The following RALYL variants were observed in gnomAD, a reference collection of about 807,000 sequenced individuals.
The protein encoded by RALYL is RALY RNA binding protein like.
RALYL carries 29 observed loss-of-function variants against 35.1 expected under a neutral mutation model. The observed-to-expected ratio is 0.83, with a 90% confidence interval of 0.61 to 1.13. The LOEUF is 1.13. Ranked by LOEUF, RALYL falls within the 50% of genes most tolerant of loss-of-function variation. The probability of loss-of-function intolerance (pLI) is 0.00; values close to 1 mark genes in which losing one functional copy is unlikely to be tolerated. For missense variants in RALYL, 359 were observed against 360.4 expected, an observed-to-expected ratio of 1.00 and a Z score of 0.03; for synonymous variants, 120 against 127.6, an observed-to-expected ratio of 0.94 and a Z score of 0.40.
intron 2 of RALYL, chr8:84,678,710 G>A (rs1393753110): frequency 6.6e-6 from 1 of 152,166 alleles, no homozygotes; most frequent in Admixed American, 6.6e-5. Flanking sequence ...CCTGCAGAAA[G>A]CTAAAAGTTC....
At position 84,801,870 on chromosome 8, in the gene RALYL, A is replaced by G. The variant is rs1251901311; in HGVS notation, c.333-2900A>G. Among the ~76,000 whole-genome samples the G allele has an allele frequency of 3.3e-5, 5 of 152,258 alleles. No homozygotes were observed. In the East Asian group the frequency reaches 7.7e-4, roughly 23 times the overall value. On this transcript the variant is annotated intron_variant, in intron 3 of 8. Coordinates refer to ENST00000521268, the MANE Select transcript of RALYL (RefSeq NM_173848.7). ...GGTAACACAAAAACATTTCAGGTGA[A>G]TATGTTAGTAGGATCAGAGGTTGAA... is the stretch of plus-strand genomic sequence containing the variant.
intron 2 of RALYL, among the ~76,000 whole-genome samples, chr8:84,710,767 C>T (rs1368580058): frequency 6.6e-6 from 1 of 152,054 alleles, no homozygotes; most frequent in East Asian, 1.9e-4. Flanking sequence ...CATCAAAATC[C>T]ATGGCTGTCT....
At chr8:84,752,225 G>A (rs1318853915) in intron 2 of RALYL, among the ~76,000 whole-genome samples, 4 of 152,170 alleles carry the variant, frequency 2.6e-5, no homozygotes, top group Non-Finnish European at 5.9e-5. Flanking sequence ...CTGCTCTAGG[G>A]ATCTGCGGAA....
At chr8:84,669,926 C>T (rs183340426) in intron 2 of RALYL, among the ~76,000 whole-genome samples, 135 of 152,284 alleles carry the variant, frequency 8.9e-4, no homozygotes, top group African/African-American at 3.0e-3. Context: ...ACTACAAGTG[C>T]GCATTTCAAC....
Position 84,497,642 on chromosome 8 carries a change from GT to G in RALYL, c.-23-31640del, listed in dbSNP as rs71271999. 9.7e-4 allele frequency among the ~76,000 whole-genome samples: 114 copies of G among 117,226 alleles called. 2 individuals carry two copies. The highest frequency in any genetic ancestry group is 9.2e-3 in the East Asian group (37 of 4,008). 76.9% of individuals were successfully genotyped at this position (117,226 alleles called of 152,430 possible). ...TGTTTTTTTTGTTGTTTTTGTTTTTGTTTTTTTTTTTTTTTTTGAGAGACAG... is the reference window on the plus strand; with the variant it reads ...TGTTTTTTTTGTTGTTTTTGTTTTTGTTTTTTTTTTTTTTTTGAGAGACAG... On this transcript the variant is annotated intron_variant, in intron 1 of 8. Transcript: ENST00000521268.
chr8:84,733,371 A>C (rs1486788552), intron 2 of RALYL, among the ~76,000 whole-genome samples: 2 of 152,196 alleles, frequency 1.3e-5, no homozygotes, highest in African/African-American at 4.8e-5. Flanking sequence ...TAAAAAATAA[A>C]ACTAGATGAA....
chr8:84,721,981 G>A (rs139282447), intron 2 of RALYL, among the ~76,000 whole-genome samples: 5 of 152,124 alleles, frequency 3.3e-5, no homozygotes, highest in African/African-American at 1.2e-4. Context: ...TAAAGTTATT[G>A]CAGGTGAAAG....
intron 2 of RALYL, among the ~76,000 whole-genome samples, chr8:84,542,037 T>G (rs1053956616): frequency 6.6e-6 from 1 of 152,100 alleles, no homozygotes; most frequent in African/African-American, 2.4e-5. Context: ...TCACATTTAA[T>G]TGCGGTTATA....
intron 8 of RALYL, 149 bp from the exon 9 acceptor site, chr8:84,920,745 C>T (rs1457334508): frequency 1.0e-5 from 4 of 396,230 alleles, no homozygotes; most frequent in Admixed American, 4.5e-5. Context: ...TAAGAACCTA[C>T]CATCAAAATT....
intron 1 of RALYL, among the ~76,000 whole-genome samples, chr8:84,397,842 A>G (rs2042498602): frequency 6.6e-6 from 1 of 152,190 alleles, no homozygotes; most frequent in South Asian, 2.1e-4. Flanking sequence ...TAATTTTAAG[A>G]GAGACCCATA....
At chr8:84,590,102 C>T (rs1445971551) in intron 2 of RALYL, among the ~76,000 whole-genome samples, 2 of 152,112 alleles carry the variant, frequency 1.3e-5, no homozygotes, top group Non-Finnish European at 2.9e-5. Context: ...TTTAAAGAGA[C>T]ATCAGATCAT....
chr8:84,526,494 T>C (rs370285041), intron 1 of RALYL, among the ~76,000 whole-genome samples: 2 of 152,214 alleles, frequency 1.3e-5, no homozygotes, highest in East Asian at 3.9e-4. Context: ...TGAATGATTC[T>C]TGGCCTTCTG....
At chr8:84,846,210 G>T (rs1157514382) in intron 4 of RALYL, among the ~76,000 whole-genome samples, 1 of 152,158 alleles carries the variant, frequency 6.6e-6, no homozygotes, top group East Asian at 1.9e-4. Context: ...GGATAGCATT[G>T]CATCTGTAAA....
At chr8:84,610,873 T>A (rs1185439204) in intron 2 of RALYL, among the ~76,000 whole-genome samples, 1 of 152,132 alleles carries the variant, frequency 6.6e-6, no homozygotes, top group Non-Finnish European at 1.5e-5. Flanking sequence ...TCAATGTACA[T>A]GTGTGTATGT....
intron 3 of RALYL, among the ~76,000 whole-genome samples, chr8:84,788,486 C>A (rs1237623995): frequency 1.3e-5 from 2 of 152,078 alleles, no homozygotes; most frequent in Non-Finnish European, 2.9e-5. Context: ...TGAAAAATGA[C>A]AAACACCATA....
intron 8 of RALYL, among the ~76,000 whole-genome samples, chr8:84,902,038 T>C (rs972162015): frequency 3.3e-5 from 5 of 152,112 alleles, no homozygotes; most frequent in African/African-American, 1.2e-4. Flanking sequence ...CATCATCACA[T>C]ATCCAGAGGT....
chr8:84,330,071 C>G (rs1324767508), intron 1 of RALYL, among the ~76,000 whole-genome samples: 1 of 151,852 alleles, frequency 6.6e-6, no homozygotes, highest in Non-Finnish European at 1.5e-5. Context: ...TGAAATTAAA[C>G]AAAAACGTGG....
At chr8:84,570,528 G>A (rs766656732) in intron 2 of RALYL, among the ~76,000 whole-genome samples, 2 of 151,816 alleles carry the variant, frequency 1.3e-5, no homozygotes, top group Admixed American at 1.3e-4. Flanking sequence ...ATCAGGACCA[G>A]AGATAATTTG....
At chr8:84,691,953 A>T (rs907888817) in intron 2 of RALYL, among the ~76,000 whole-genome samples, 1 of 152,074 alleles carries the variant, frequency 6.6e-6, no homozygotes, top group Non-Finnish European at 1.5e-5. Context: ...ACATTTAAAA[A>T]TATACCAAAA....
Sources: gnomAD v4.1 joint callset for allele counts (sites outside exome capture counted in the v4.1 genomes callset) on GRCh38, gnomAD v4.1.1 for gene constraint, MANE v1.5 for transcripts, NCBI Gene and HGNC (gene_info 2026-07-23, HGNC 2026-07-21) for gene names.